Variants in PKP4 observed in about 807,000 individuals in gnomAD.
The protein encoded by PKP4 is plakophilin-4.
Under a neutral mutation model 145.1 loss-of-function variants are expected in PKP4, and 90 were observed. That is an observed-to-expected ratio of 0.62 (90% CI 0.52 to 0.74). The LOEUF (loss-of-function observed/expected upper bound fraction) is 0.74, where lower values mean the gene tolerates loss of function less well. Ranked by LOEUF, PKP4 falls within the 30% of genes least tolerant of loss-of-function variation. PKP4 has a pLI of 0.00. For synonymous variants in PKP4, 563 were observed against 577.2 expected (o/e 0.98, Z 0.35); for missense variants, 1,340 against 1,482.7 (o/e 0.90, Z 1.58).
intron 4 of PKP4, among the ~76,000 whole-genome samples, chr2:158,620,526 G>T (rs2052116719): frequency 6.6e-6 from 1 of 152,188 alleles, no homozygotes; most frequent in Non-Finnish European, 1.5e-5. Context: ...TTGACTGTAA[G>T]TGACATGAAA....
At chr2:158,640,843 C>T in intron 10 of PKP4, 84 bp downstream of exon 10, 1 of 1,433,242 alleles carries the variant, frequency 7.0e-7, no homozygotes. Context: ...TAAGAAATTA[C>T]CCAGTGTAAT....
rs878998252 is a variant in PKP4 at position 158,533,304 on chromosome 2, C to T, written c.120C>T (p.Ser40=). 5 of 1,613,970 alleles carry T rather than the reference C, an allele frequency of 3.1e-6. No homozygotes were observed. The highest frequency in any genetic ancestry group is 1.6e-4 in the Middle Eastern group (1 of 6,082). ...CCACAGCCACCACTATTCTAGCATC[C>T]GTGAAGGAGCAGGTACATCCTCGTA... is the stretch of plus-strand genomic sequence containing the variant. ...PETTATTILA[S]VKEQELQFQR... Residue 40 remains serine (S), a synonymous_variant, in exon 2 of 22, where the codon TCC becomes TCT. Transcript: ENST00000389759.
At chr2:158,593,341 G>A (rs1459136878) in intron 3 of PKP4, among the ~76,000 whole-genome samples, 2 of 152,122 alleles carry the variant, frequency 1.3e-5, no homozygotes, top group Non-Finnish European at 2.9e-5. Context: ...AATGTCACTT[G>A]AAATATTAGA....
intron 1 of PKP4, among the ~76,000 whole-genome samples, chr2:158,471,738 G>A (rs1010322353): frequency 3.3e-5 from 5 of 152,146 alleles, no homozygotes; most frequent in Admixed American, 1.3e-4. Flanking sequence ...ATTAAATGCC[G>A]TTTATTGAAC....
At chr2:158,479,682 T>C (rs1693043060) in intron 1 of PKP4, among the ~76,000 whole-genome samples, 1 of 152,190 alleles carries the variant, frequency 6.6e-6, no homozygotes, top group Non-Finnish European at 1.5e-5. Flanking sequence ...GTTCAACTAA[T>C]AGCAACTGTA....
At chr2:158,680,365 T>C in intron 21 of PKP4, 64 bp from the exon 22 acceptor site, 1 of 1,254,672 alleles carries the variant, frequency 8.0e-7, no homozygotes, top group Non-Finnish European at 1.1e-6. Context: ...CCACATTAAT[T>C]TTCCTAACAC....
chr2:158,564,800 C>G (rs1026430488), intron 2 of PKP4, among the ~76,000 whole-genome samples: 6 of 152,322 alleles, frequency 3.9e-5, no homozygotes, highest in Admixed American at 2.0e-4. Flanking sequence ...TTTGTTTTCT[C>G]TACTTAACAA....
chr2:158,568,353 A>C (rs2047164131), intron 2 of PKP4, among the ~76,000 whole-genome samples: 3 of 152,090 alleles, frequency 2.0e-5, no homozygotes, highest in South Asian at 2.1e-4. Flanking sequence ...AGAAAGAAAA[A>C]CACAGGTTTC....
intron 2 of PKP4, among the ~76,000 whole-genome samples, chr2:158,552,218 A>G (rs2105705569): frequency 6.6e-6 from 1 of 152,352 alleles, no homozygotes; most frequent in African/African-American, 2.4e-5. Context: ...TGTAAGGGGC[A>G]AAGAAGAGGT....
chr2:158,511,539 G>A (rs7574082), intron 1 of PKP4, among the ~76,000 whole-genome samples: 3,300 of 152,066 alleles, frequency 0.022, 112 homozygotes, highest in African/African-American at 0.073. Context: ...TTAGTAAATG[G>A]GAGAATTTTC....
chr2:158,494,520 T>G (rs1695399672), intron 1 of PKP4, among the ~76,000 whole-genome samples: 1 of 152,234 alleles, frequency 6.6e-6, no homozygotes, highest in African/African-American at 2.4e-5. Context: ...ATATTTAAAC[T>G]AGGTAATCAT....
At chr2:158,487,339 C>G (rs1694313891) in intron 1 of PKP4, among the ~76,000 whole-genome samples, 1 of 152,122 alleles carries the variant, frequency 6.6e-6, no homozygotes, top group African/African-American at 2.4e-5. Flanking sequence ...TCACCATAAT[C>G]TTTGGAAGTG....
At chr2:158,640,155 T>C (rs2054150178) in intron 9 of PKP4, among the ~76,000 whole-genome samples, 1 of 152,202 alleles carries the variant, frequency 6.6e-6, no homozygotes, top group Non-Finnish European at 1.5e-5. Context: ...ACCATAAACA[T>C]TGTTTCTTAA....
chr2:158,528,144 C>G (rs2043130439), intron 1 of PKP4, among the ~76,000 whole-genome samples: 1 of 139,026 alleles, frequency 7.2e-6, no homozygotes, highest in African/African-American at 2.7e-5. Flanking sequence ...TGGGTATATA[C>G]CCAAATGACT....
At chr2:158,657,592 C>T (rs546786381) in intron 11 of PKP4, among the ~76,000 whole-genome samples, 83 of 152,262 alleles carry the variant, frequency 5.5e-4, no homozygotes, top group Non-Finnish European at 8.4e-4. Context: ...AGGAAAGTTA[C>T]GGCAAGTGCT....
intron 1 of PKP4, among the ~76,000 whole-genome samples, chr2:158,469,429 T>C (rs1691208058): frequency 6.6e-6 from 1 of 152,154 alleles, no homozygotes; most frequent in Non-Finnish European, 1.5e-5. Flanking sequence ...TATCCCCTCC[T>C]TCCCACCGTG....
intron 3 of PKP4, among the ~76,000 whole-genome samples, chr2:158,579,211 C>T (rs1293767653): frequency 1.3e-5 from 2 of 152,068 alleles, no homozygotes; most frequent in African/African-American, 4.8e-5. Flanking sequence ...TTATGAATGA[C>T]ATCAGCAAGA....
intron 2 of PKP4, among the ~76,000 whole-genome samples, chr2:158,559,427 A>G (rs1373683404): frequency 6.6e-6 from 1 of 152,038 alleles, no homozygotes; most frequent in Non-Finnish European, 1.5e-5. Flanking sequence ...CCCAGGCATT[A>G]AGGTTGATGA....
At chr2:158,460,020 G>A (rs1689531052) in intron 1 of PKP4, among the ~76,000 whole-genome samples, 1 of 152,138 alleles carries the variant, frequency 6.6e-6, no homozygotes. Context: ...GTAAGGAGAG[G>A]GTGCTGCATC....
Sources: gnomAD v4.1 joint callset for allele counts (sites outside exome capture counted in the v4.1 genomes callset) on GRCh38, gnomAD v4.1.1 for gene constraint, MANE v1.5 for transcripts, NCBI Gene and HGNC (gene_info 2026-07-23, HGNC 2026-07-21) for gene names.